GABRA6: variants seen among roughly 807,000 people sequenced by gnomAD.
GABRA6 encodes gamma-aminobutyric acid receptor subunit alpha-6.
A neutral mutation model predicts 47.3 loss-of-function variants in GABRA6; 45 were observed. The ratio of observed to expected loss-of-function variants is 0.95; its 90% confidence interval spans 0.75 to 1.22. The LOEUF (loss-of-function observed/expected upper bound fraction) is 1.22. GABRA6 is among the 50% of genes most tolerant of loss of function. The pLI is 0.00. For missense variants in GABRA6, 583 were observed against 549.3 expected, an observed-to-expected ratio of 1.06 and a Z score of -0.61; for synonymous variants, 219 against 194.7, an observed-to-expected ratio of 1.12 and a Z score of -1.04.
chr5:161,686,196 C>A, intron 1 of GABRA6, 34 bp from the exon 2 acceptor site: 1 of 1,530,494 alleles, frequency 6.5e-7, no homozygotes, highest in Non-Finnish European at 9.1e-7. Context: ...TTCTCTGAGC[C>A]TGGGAGTAAG....
intron 8 of GABRA6, among the ~76,000 whole-genome samples, chr5:161,700,496 G>C (rs180864946): frequency 2.0e-5 from 3 of 152,256 alleles, no homozygotes; most frequent in East Asian, 3.9e-4. Flanking sequence ...AAATCAAACA[G>C]AATCAGAGTC....
At chr5:161,691,867 T>C (rs1754798935) in intron 7 of GABRA6, 74 bp from the exon 8 acceptor site, 3 of 1,388,846 alleles carry the variant, frequency 2.2e-6, no homozygotes, top group East Asian at 2.3e-5. Flanking sequence ...TCTTCTCCTC[T>C]GACACATTCT....
At chr5:161,689,999 G>A (rs1052904661) in intron 6 of GABRA6, 91 of 662,940 alleles carry the variant, frequency 1.4e-4, no homozygotes, top group Non-Finnish European at 1.8e-4. Context: ...ATGATATAAA[G>A]AACCCTACTG....
At chr5:161,697,315 A>T (rs1754901403) in intron 8 of GABRA6, among the ~76,000 whole-genome samples, 1 of 152,242 alleles carries the variant, frequency 6.6e-6, no homozygotes, top group African/African-American at 2.4e-5. Flanking sequence ...GCAAACCTGT[A>T]GCTTAAACGG....
At position 161,686,240 on chromosome 5, in the gene GABRA6, G is replaced by A. The variant is rs1274527420; in HGVS notation, c.49G>A (p.Ala17Thr). The A allele has an allele frequency of 6.2e-7, 1 of 1,612,932 alleles. No individual in the cohort carries two copies. The highest frequency in any genetic ancestry group is 1.3e-5 in the African/African-American group (1 of 74,884). Reference protein sequence around the residue: ...WLCIILWLENALGKLEVEGNF... With the variant: ...WLCIILWLENTLGKLEVEGNF... ...ACTGTCTACACACAGGCTAGAAAAT[G>A]CCCTAGGGAAACTCGAAGTTGAAGG... is the stretch of plus-strand genomic sequence containing the variant. Residue 17 changes from alanine (A) to threonine (T), a missense_variant, in exon 2 of 9, where the codon GCC (alanine) becomes ACC (threonine). Transcript: ENST00000274545.
chr5:161,692,337 T>C (rs763698220), intron 8 of GABRA6, 137 bp downstream of exon 8: 10 of 969,032 alleles, frequency 1.0e-5, no homozygotes, highest in Non-Finnish European at 1.6e-5. Flanking sequence ...GCAAGGCCAG[T>C]TTCTGTTCCA....
intron 7 of GABRA6, among the ~76,000 whole-genome samples, chr5:161,690,614 G>A (rs1397902750): frequency 1.3e-5 from 2 of 152,082 alleles, no homozygotes; most frequent in Non-Finnish European, 2.9e-5. Flanking sequence ...GCTTTATCTT[G>A]ATTTTCTTTG....
chr5:161,687,287 C>G (rs1336496334), intron 3 of GABRA6: 4 of 446,684 alleles, frequency 9.0e-6, no homozygotes, highest in South Asian at 2.1e-5. Flanking sequence ...GAGATTTTCC[C>G]CTTTCTTTGT....
intron 6 of GABRA6, 54 bp from the exon 7 acceptor site, chr5:161,690,147 T>A: frequency 6.5e-7 from 1 of 1,531,250 alleles, no homozygotes. Flanking sequence ...TTCAACTGCA[T>A]TCTTTTTGCA....
rs1581120241 is a variant in GABRA6 at position 161,686,254 on chromosome 5, C to A, written c.63C>A (p.Leu21=). ...ILWLENALGK[L]EVEGNFYSEN... is the part of the protein sequence containing the mutation. ...GGCTAGAAAATGCCCTAGGGAAACT[C>A]GAAGTTGAAGGCAACTTCTACTCAG... Residue 21 remains leucine, a synonymous_variant, in exon 2 of 9, where the codon CTC becomes CTA. Transcript: ENST00000274545. The A allele has an allele frequency of 6.2e-7, 1 of 1,613,572 alleles. No homozygotes were observed. Among genetic ancestry groups the A allele is most frequent in the East Asian group, 2.2e-5 (1 of 44,870 alleles).
At position 161,690,215 on chromosome 5, in the gene GABRA6, A is replaced by G. The variant is rs369172534; in HGVS notation, c.688A>G (p.Met230Val). 1.8e-5 allele frequency: 29 copies of G among 1,613,600 alleles called. No homozygotes were observed. The highest frequency in any genetic ancestry group is 1.1e-4 in the East Asian group (5 of 44,812). The change falls in exon 7 of 9, where the codon ATG becomes GTG. Residue 230 changes from methionine (M) to valine (V), a missense_variant. Coordinates refer to ENST00000274545, the MANE Select transcript of GABRA6 (RefSeq NM_000811.3). ...IKSNTGEYVI[M>V]TVYFHLQRKM... Reference sequence around the variant, plus strand: ...TCTTCCAACAGGTGAATACGTTATAATGACAGTTTACTTCCACTTGCAAAG... The same window carrying G: ...TCTTCCAACAGGTGAATACGTTATAGTGACAGTTTACTTCCACTTGCAAAG...
intron 3 of GABRA6, among the ~76,000 whole-genome samples, chr5:161,688,149 T>C (rs1041131662): frequency 5.3e-5 from 8 of 152,170 alleles, no homozygotes; most frequent in Admixed American, 5.2e-4. Flanking sequence ...GTCATTATTG[T>C]ATGGATATAT....
At chr5:161,690,531 G>T (rs1754773178) in intron 7 of GABRA6, among the ~76,000 whole-genome samples, 178 bp downstream of exon 7, 1 of 152,010 alleles carries the variant, frequency 6.6e-6, no homozygotes, top group Admixed American at 6.6e-5. Context: ...ATTGTGTGAT[G>T]AATCAAAAAA....
intron 8 of GABRA6, 44 bp from the exon 9 acceptor site, chr5:161,701,454 A>G (rs1425179775): frequency 1.3e-6 from 2 of 1,598,476 alleles, no homozygotes; most frequent in Non-Finnish European, 1.7e-6. Flanking sequence ...ATTAAGCAAT[A>G]TCTATTCTTT....
At position 161,692,206 on chromosome 5, in the gene GABRA6, T is replaced by G. The variant is rs1398066955; in HGVS notation, c.1086+6T>G. On this transcript the variant is annotated splice_donor_region_variant and intron_variant, in intron 8 of 8. Coordinates refer to ENST00000274545, the MANE Select transcript of GABRA6 (RefSeq NM_000811.3). The stretch of plus-strand genomic sequence containing the variant: ...TGGAAGCTGAGATTGTTTTGGTAAT[T>G]GTTTACTTTTTCTATCATTACCTAC... The G allele has an allele frequency of 6.2e-7, 1 of 1,614,230 alleles. No individual in the cohort carries two copies. Among genetic ancestry groups the G allele is most frequent in the Non-Finnish European group, 8.5e-7 (1 of 1,180,046 alleles).
intron 8 of GABRA6, among the ~76,000 whole-genome samples, chr5:161,698,350 G>A (rs930969104): frequency 1.3e-5 from 2 of 152,130 alleles, no homozygotes; most frequent in Non-Finnish European, 2.9e-5. Flanking sequence ...GTGATGGTAG[G>A]TGTTAATGAG....
At chr5:161,696,494 C>T (rs1754888833) in intron 8 of GABRA6, among the ~76,000 whole-genome samples, 1 of 151,834 alleles carries the variant, frequency 6.6e-6, no homozygotes, top group Non-Finnish European at 1.5e-5. Context: ...ATCACAGTGC[C>T]CTTCTTGGTT....
chr5:161,697,190 G>A lies in GABRA6; in HGVS notation c.1087-4308G>A, dbSNP rs536031657. ...CCTGCAAAAATTCAAAACCACAGGC[G>A]TTCCACTCAAAACAGTGACAGCCCC... On this transcript the variant is annotated intron_variant, in intron 8 of 8. Transcript: ENST00000274545. Among the ~76,000 whole-genome samples, 3 of 152,278 alleles carry A rather than the reference G, an allele frequency of 2.0e-5. No homozygotes were observed. In the East Asian group the frequency reaches 5.8e-4, roughly 29 times the overall value.
At position 161,690,200 on chromosome 5, in the gene GABRA6, G is replaced by A. The variant is rs1754767618; in HGVS notation, c.674-1G>A. The A allele has an allele frequency of 1.9e-6, 3 of 1,613,314 alleles. No individual in the cohort carries two copies. In the African/African-American group the frequency reaches 4.0e-5, roughly 22 times the overall value. ...ATACTGATGTATGTGTCTTCCAACA[G>A]GTGAATACGTTATAATGACAGTTTA... On this transcript the variant is annotated splice_acceptor_variant, in intron 6 of 8. Coordinates refer to ENST00000274545, the MANE Select transcript of GABRA6 (RefSeq NM_000811.3). LOFTEE classifies it high-confidence loss of function.
Sources: gnomAD v4.1 joint callset for allele counts (sites outside exome capture counted in the v4.1 genomes callset) on GRCh38, gnomAD v4.1.1 for gene constraint, MANE v1.5 for transcripts, NCBI Gene and HGNC (gene_info 2026-07-23, HGNC 2026-07-21) for gene names.